The following GMPR variants were observed in gnomAD, a reference collection of about 807,000 sequenced individuals.
GMPR encodes GMP reductase 1.
GMPR carries 31 observed loss-of-function variants against 38.4 expected under a neutral mutation model. That is an observed-to-expected ratio of 0.81 (90% confidence interval 0.61 to 1.09). GMPR has a LOEUF of 1.09. GMPR is among the 50% of genes least tolerant of loss of function. GMPR has a pLI of 0.00. For missense variants in GMPR, 468 were observed against 453.7 expected, an observed-to-expected ratio of 1.03 and a Z score of -0.29; for synonymous variants, 162 against 173.3, an observed-to-expected ratio of 0.93 and a Z score of 0.51.
At position 16,259,667 on chromosome 6, in the gene GMPR, G is replaced by A. The variant is rs971768536; in HGVS notation, c.465+4932G>A. On this transcript the variant is annotated intron_variant, in intron 4 of 8. Transcript: ENST00000259727. ...GAAACATTTGTCATTTAGAATTATT[G>A]GTGATGGCCTGGATACGGTTTTTGT... 2.0e-5 allele frequency among the ~76,000 whole-genome samples: 3 copies of A among 151,902 alleles called. 1 individual carries two copies. The highest frequency in any genetic ancestry group is 7.2e-5 in the African/African-American group (3 of 41,400).
intron 6 of GMPR, among the ~76,000 whole-genome samples, chr6:16,281,013 A>G (rs1251026538): frequency 1.3e-5 from 2 of 152,150 alleles, no homozygotes; most frequent in African/African-American, 2.4e-5. Flanking sequence ...GGTGGGGTGG[A>G]GGCTCTGTGT....
At chr6:16,285,703 AC>A in intron 6 of GMPR, 89 bp from the exon 7 acceptor site, 1 of 1,056,394 alleles carries the variant, frequency 9.5e-7, no homozygotes, top group Non-Finnish European at 1.5e-6. Flanking sequence ...GTGGGTCTGA[AC>A]CCCCAGTCAC....
At chr6:16,252,652 C>T (rs538654159) in intron 3 of GMPR, among the ~76,000 whole-genome samples, 49 of 152,206 alleles carry the variant, frequency 3.2e-4, no homozygotes, top group Admixed American at 2.6e-4. Context: ...AAATAAAAGG[C>T]GAATTCAAAA....
chr6:16,284,773 A>C (rs529682380), intron 6 of GMPR, among the ~76,000 whole-genome samples: 4 of 152,228 alleles, frequency 2.6e-5, no homozygotes, highest in Non-Finnish European at 2.9e-5. Flanking sequence ...TAATCCCAGC[A>C]CTTTGGGAGG....
At chr6:16,250,234 G>A (rs1431656726) in intron 2 of GMPR, 50 bp from the exon 3 acceptor site, 1 of 941,286 alleles carries the variant, frequency 1.1e-6, no homozygotes, top group African/African-American at 1.6e-5. Context: ...GAGGAGGGAG[G>A]GGGGCTCTCA....
At chr6:16,241,983 C>T (rs1172827738) in intron 1 of GMPR, among the ~76,000 whole-genome samples, 1 of 152,094 alleles carries the variant, frequency 6.6e-6, no homozygotes, top group African/African-American at 2.4e-5. Context: ...AGGTGATCTG[C>T]CTGCCTCAGA....
rs148307161 is a variant in GMPR, at chr6:16,290,501, C to T, written c.737C>T (p.Ser246Leu). 41 of 1,613,960 alleles carry T rather than the reference C, an allele frequency of 2.5e-5. No individual in the cohort carries two copies. The East Asian group carries it at 5.6e-4, about 22-fold the overall frequency. Residue 246 changes from serine (S) to leucine (L), a missense_variant, in exon 8 of 9, where the codon TCG becomes TTG. Transcript: ENST00000259727. ...TTTGTCATGCTGGGAGGAATGTTTT[C>T]GGGTCATACGGAGTGTGCTGGAGAA... ...ADFVMLGGMF[S>L]GHTECAGEVF...
At chr6:16,261,998 A>G (rs1161075656) in intron 4 of GMPR, among the ~76,000 whole-genome samples, 6 of 151,868 alleles carry the variant, frequency 4.0e-5, no homozygotes, top group Non-Finnish European at 8.8e-5. Context: ...GGATAACTAA[A>G]AAGGAGTGGT....
chr6:16,276,369 C>T (rs982177497), intron 5 of GMPR, among the ~76,000 whole-genome samples: 1 of 152,102 alleles, frequency 6.6e-6, no homozygotes, highest in Non-Finnish European at 1.5e-5. Context: ...CGGGGTTTCA[C>T]CATGTTGGCC....
chr6:16,254,022 C>G lies in GMPR; in HGVS notation c.292-540C>G, dbSNP rs570794284. ...CTCGGCTCACTGCAACCTCCGCCCC[C>G]CAGGTTCAAGCTATTCTCCTGCCTC... On this transcript the variant is annotated intron_variant, in intron 3 of 8. Coordinates refer to ENST00000259727, the MANE Select transcript of GMPR (RefSeq NM_006877.4). Among the ~76,000 whole-genome samples, 6 of 152,286 alleles carry G rather than the reference C, an allele frequency of 3.9e-5. No individual in the cohort carries two copies. In the East Asian group the frequency reaches 1.2e-3, roughly 29 times the overall value.
Position 16,238,679 on chromosome 6 carries a change from A to C in GMPR, c.-15A>C, listed in dbSNP as rs548550304. ...CCCCGCCGTCGCCGCCGCCGCAGCC[A>C]GGAGCCGCTGCACCATGCCCCGCAT... On this transcript the variant is annotated 5_prime_UTR_variant, in exon 1 of 9. Coordinates refer to ENST00000259727, the MANE Select transcript of GMPR (RefSeq NM_006877.4). 1.5e-6 allele frequency: 2 copies of C among 1,311,470 alleles called. No homozygotes were observed. The highest frequency in any genetic ancestry group is 2.0e-6 in the Non-Finnish European group (2 of 1,007,900). 81.2% of individuals were successfully genotyped at this position (1,311,470 alleles called of 1,614,324 possible). A position where few individuals can be genotyped will look rare whatever the true frequency, so the allele number is the denominator to read the frequency against.
chr6:16,249,166 ATTTTTTTT>A lies in GMPR; in HGVS notation c.208-1102_208-1095del, dbSNP rs11292107. 6.2e-5 allele frequency among the ~76,000 whole-genome samples: 6 copies of A among 96,446 alleles called. 1 individual carries two copies. The South Asian group carries it at 2.2e-3, about 36-fold the overall frequency. 63.3% of individuals were successfully genotyped at this position (96,446 alleles called of 152,430 possible). A position where few individuals can be genotyped will look rare whatever the true frequency, so the allele number is the denominator to read the frequency against. On this transcript the variant is annotated intron_variant, in intron 2 of 8. Coordinates refer to ENST00000259727, the MANE Select transcript of GMPR (RefSeq NM_006877.4). ...CGCCATGCAGTTGTTACATTTTGTA[ATTTTTTTT>A]TTTTTTTTTTTTTTTGAGATGGAGT...
chr6:16,288,883 T>A (rs564514296), intron 7 of GMPR, among the ~76,000 whole-genome samples: 2 of 152,226 alleles, frequency 1.3e-5, no homozygotes, highest in Non-Finnish European at 2.9e-5. Context: ...ATCTAGCTAA[T>A]CTGGTGGGGA....
At chr6:16,266,858 G>A (rs1032587503) in intron 4 of GMPR, among the ~76,000 whole-genome samples, 2 of 151,718 alleles carry the variant, frequency 1.3e-5, no homozygotes, top group East Asian at 3.9e-4. Flanking sequence ...CCTGAAGTCA[G>A]CGAGACCACG....
At chr6:16,287,613 C>G (rs1175394703) in intron 7 of GMPR, among the ~76,000 whole-genome samples, 2 of 152,222 alleles carry the variant, frequency 1.3e-5, no homozygotes, top group African/African-American at 4.8e-5. Context: ...GCTCTGCGTT[C>G]CTGCTGTTGA....
chr6:16,285,211 G>A (rs1486962045), intron 6 of GMPR, among the ~76,000 whole-genome samples: 2 of 152,216 alleles, frequency 1.3e-5, no homozygotes, highest in East Asian at 1.9e-4. Context: ...TGCATGGGCA[G>A]TGTGGGTGGA....
At chr6:16,262,741 A>G (rs1356322133) in intron 4 of GMPR, 2 of 152,152 alleles carry the variant, frequency 1.3e-5, no homozygotes, top group African/African-American at 4.8e-5. Context: ...TTTAGGGTCT[A>G]GGGCTGTAAA....
At chr6:16,253,953 C>T (rs568121919) in intron 3 of GMPR, among the ~76,000 whole-genome samples, 3 of 151,276 alleles carry the variant, frequency 2.0e-5, no homozygotes, top group South Asian at 2.1e-4. Context: ...GTTTGGCGGA[C>T]GGAACCTTGC....
chr6:16,241,982 G>A (rs1758657289), intron 1 of GMPR, among the ~76,000 whole-genome samples: 1 of 152,028 alleles, frequency 6.6e-6, no homozygotes, highest in South Asian at 2.1e-4. Flanking sequence ...CAGGTGATCT[G>A]CCTGCCTCAG....
Sources: gnomAD v4.1 joint callset for allele counts (sites outside exome capture counted in the v4.1 genomes callset) on GRCh38, gnomAD v4.1.1 for gene constraint, MANE v1.5 for transcripts, NCBI Gene and HGNC (gene_info 2026-07-23, HGNC 2026-07-21) for gene names.